COA1: variants seen among roughly 807,000 people sequenced by gnomAD.
The protein encoded by COA1 is cytochrome c oxidase assembly factor 1 homolog.
In COA1, 13 loss-of-function variants were observed where a neutral mutation model predicts 16.0. The ratio of observed to expected loss-of-function variants is 0.81; its 90% CI spans 0.53 to 1.29. The LOEUF is 1.29. Among genes scored for constraint, COA1 ranks in the 50% most tolerant of loss-of-function variants. The pLI, the probability that COA1 is intolerant of heterozygous loss-of-function variation, is 0.00. For missense variants in COA1, 179 were observed against 177.0 expected, an observed-to-expected ratio of 1.01 and a Z score of -0.06; for synonymous variants, 65 against 65.7, an observed-to-expected ratio of 0.99 and a Z score of 0.05.
At chr7:43,633,384 G>C (rs1226284800) in intron 6 of COA1, 1 of 152,184 alleles carries the variant, frequency 6.6e-6, no homozygotes, top group East Asian at 1.9e-4. Context: ...TTTCAATACT[G>C]TTGTGTCTCA....
At chr7:43,644,762 G>GGATAGATAGATAGA (rs1563228848) in intron 4 of COA1, among the ~76,000 whole-genome samples, 1 of 80,044 alleles carries the variant, frequency 1.2e-5, no homozygotes, top group Non-Finnish European at 2.9e-5. Context: ...AGATAGATAG[G>GGATAGATAGATAGA]CAGGCAGGCA....
intron 1 of COA1, among the ~76,000 whole-genome samples, chr7:43,710,709 A>G (rs1045860192): frequency 6.6e-6 from 1 of 152,174 alleles, no homozygotes; most frequent in Non-Finnish European, 1.5e-5. Context: ...CAAACAAACA[A>G]TAGGATTCAG....
At chr7:43,717,909 T>TTTGCCTGCTGCCATCTA (rs1481852244) in intron 1 of COA1, among the ~76,000 whole-genome samples, 1 of 152,202 alleles carries the variant, frequency 6.6e-6, no homozygotes, top group East Asian at 1.9e-4. Context: ...TCATTCTCTC[T>TTTGCCTGCTGCCATCTA]TTGCCTGCTG....
chr7:43,718,312 T>C (rs2095435923), intron 1 of COA1, among the ~76,000 whole-genome samples: 1 of 152,242 alleles, frequency 6.6e-6, no homozygotes, highest in African/African-American at 2.4e-5. Context: ...GCTTATCTCC[T>C]AGATGCTCTT....
At chr7:43,623,286 A>C (rs2084111901) in intron 6 of COA1, 1 of 333,712 alleles carries the variant, frequency 3.0e-6, no homozygotes, top group African/African-American at 2.2e-5. Flanking sequence ...AATGCTTAAT[A>C]ACACAGAGAT....
chr7:43,653,847 G>T (rs956095524), intron 1 of COA1, among the ~76,000 whole-genome samples: 22 of 152,056 alleles, frequency 1.4e-4, no homozygotes, highest in Admixed American at 7.9e-4. Context: ...AAGGATTAAT[G>T]ATTTTTTTTA....
At chr7:43,655,538 T>G (rs1460197089) in intron 1 of COA1, among the ~76,000 whole-genome samples, 4 of 152,138 alleles carry the variant, frequency 2.6e-5, no homozygotes, top group Admixed American at 1.3e-4. Context: ...TGTAATCACC[T>G]GTAATCCCAG....
intron 4 of COA1, among the ~76,000 whole-genome samples, chr7:43,644,395 C>T (rs928842871): frequency 2.6e-5 from 4 of 151,930 alleles, no homozygotes; most frequent in Non-Finnish European, 5.9e-5. Context: ...TGATCAAGTA[C>T]AAAAAGATAA....
At chr7:43,612,360 C>T (rs1234555484) in intron 6 of COA1, among the ~76,000 whole-genome samples, 2 of 152,196 alleles carry the variant, frequency 1.3e-5, no homozygotes, top group Non-Finnish European at 2.9e-5. Flanking sequence ...ACTAAAAGGT[C>T]ATTTCCAATT....
rs1554542708 is a variant in COA1 at position 43,691,429 on chromosome 7, G to GAAAGAAAT, written c.-39+37999_-39+38000insATTTCTTT. Among the ~76,000 whole-genome samples the GAAAGAAAT allele has an allele frequency of 4.1e-4, 24 of 58,616 alleles. 2 individuals carry two copies. The highest frequency in any genetic ancestry group is 7.1e-5 in the African/African-American group (1 of 14,096). The allele number at this position is 58,616 out of a possible 152,430, so 38.5% of individuals were successfully genotyped here. A position where few individuals can be genotyped will look rare whatever the true frequency, so the allele number is the denominator to read the frequency against. On this transcript the variant is annotated intron_variant, in intron 1 of 5. Coordinates refer to ENST00000223336, the MANE Select transcript of COA1 (RefSeq NM_018224.4). ...GAAGGAAGGAAGAAAGAAAAAGAAA[G>GAAAGAAAT]AAAGAAAGAAAGAAAGAAAGAAAGA... is the stretch of plus-strand genomic sequence containing the variant.
At chr7:43,714,853 A>G (rs1229985073) in intron 1 of COA1, among the ~76,000 whole-genome samples, 1 of 151,480 alleles carries the variant, frequency 6.6e-6, no homozygotes, top group Non-Finnish European at 1.5e-5. Context: ...TAAAACTACA[A>G]AAAATTTAGC....
intron 1 of COA1, among the ~76,000 whole-genome samples, chr7:43,702,545 T>C (rs1168710773): frequency 2.0e-5 from 3 of 152,168 alleles, no homozygotes; most frequent in Admixed American, 2.0e-4. Flanking sequence ...TCCAACTTTG[T>C]TCTTTCTGCT....
At chr7:43,715,798 C>T (rs1481843861) in intron 1 of COA1, among the ~76,000 whole-genome samples, 1 of 152,018 alleles carries the variant, frequency 6.6e-6, no homozygotes, top group Non-Finnish European at 1.5e-5. Context: ...GCTCTGTGTC[C>T]CCACTCAAAT....
chr7:43,724,717 A>G (rs551875419), intron 1 of COA1, among the ~76,000 whole-genome samples: 33 of 152,380 alleles, frequency 2.2e-4, no homozygotes, highest in Admixed American at 1.0e-3. Flanking sequence ...AATACTATTC[A>G]GTCTTTAAAA....
intron 1 of COA1, among the ~76,000 whole-genome samples, chr7:43,701,936 C>G (rs1419998432): frequency 1.3e-5 from 2 of 151,810 alleles, no homozygotes; most frequent in Non-Finnish European, 2.9e-5. Context: ...TTGTTTTCTG[C>G]TTGTAAGTTT....
chr7:43,652,745 G>C (rs1388966317), intron 1 of COA1, among the ~76,000 whole-genome samples: 1 of 152,164 alleles, frequency 6.6e-6, no homozygotes, highest in Non-Finnish European at 1.5e-5. Context: ...AAATCACTTA[G>C]AGACTACTGG....
At chr7:43,699,048 C>A (rs1289442879) in intron 1 of COA1, among the ~76,000 whole-genome samples, 1 of 152,128 alleles carries the variant, frequency 6.6e-6, no homozygotes, top group Non-Finnish European at 1.5e-5. Context: ...ACATCTAGGG[C>A]TTGGGAAAAC....
chr7:43,714,616 C>T (rs1022168833), intron 1 of COA1, among the ~76,000 whole-genome samples: 1 of 143,990 alleles, frequency 6.9e-6, no homozygotes, highest in African/African-American at 2.6e-5. Flanking sequence ...GCTACAAGAG[C>T]GAAACTCCAT....
chr7:43,662,557 T>G (rs1050501579), intron 1 of COA1, among the ~76,000 whole-genome samples: 1 of 152,228 alleles, frequency 6.6e-6, no homozygotes, highest in Non-Finnish European at 1.5e-5. Flanking sequence ...ACCATAAAAA[T>G]ATATTGCAAC....
Sources: gnomAD v4.1 joint callset for allele counts (sites outside exome capture counted in the v4.1 genomes callset) on GRCh38, gnomAD v4.1.1 for gene constraint, MANE v1.5 for transcripts, NCBI Gene and HGNC (gene_info 2026-07-23, HGNC 2026-07-21) for gene names.